Variants in SEMA5A observed in about 807,000 individuals in gnomAD.
SEMA5A encodes semaphorin 5A.
In SEMA5A, 55 loss-of-function variants were observed where a neutral mutation model predicts 135.5. The ratio of observed to expected loss-of-function variants is 0.41; its 90% confidence interval spans 0.33 to 0.51. SEMA5A has a LOEUF of 0.51. Among genes scored for constraint, SEMA5A ranks in the 20% least tolerant of loss-of-function variants. SEMA5A has a pLI of 0.37. For missense variants in SEMA5A, 1,290 were observed against 1,419.9 expected (o/e 0.91, Z 1.47); for synonymous variants, 580 against 546.5 (o/e 1.06, Z -0.85).
chr5:9,186,350 C>A (rs1483899061), intron 11 of SEMA5A, among the ~76,000 whole-genome samples: 1 of 152,180 alleles, frequency 6.6e-6, no homozygotes, highest in Non-Finnish European at 1.5e-5. Flanking sequence ...GTCTAGCTCA[C>A]ATGGATCTGT....
intron 1 of SEMA5A, among the ~76,000 whole-genome samples, chr5:9,521,224 A>G (rs558978071): frequency 3.3e-5 from 5 of 152,176 alleles, no homozygotes; most frequent in Admixed American, 3.3e-4. Context: ...AGCCTGGCCA[A>G]CATGGCGAAA....
At chr5:9,334,372 T>C (rs1185818182) in intron 4 of SEMA5A, among the ~76,000 whole-genome samples, 1 of 152,232 alleles carries the variant, frequency 6.6e-6, no homozygotes, top group Non-Finnish European at 1.5e-5. Context: ...GTTTTATATC[T>C]TACTCATATG....
rs953932895 is a variant in SEMA5A at position 9,323,328 on chromosome 5, G to T, written c.225-4911C>A. Among the ~76,000 whole-genome samples, 4 of 152,050 alleles carry T rather than the reference G, an allele frequency of 2.6e-5. No individual in the cohort carries two copies. In the East Asian group the frequency reaches 7.7e-4, roughly 29 times the overall value. On this transcript the variant is annotated intron_variant, in intron 4 of 22. Coordinates refer to ENST00000382496, the MANE Select transcript of SEMA5A (RefSeq NM_003966.3). ...AAATTTAAATCATTTCCTGAGAAGTGTTTTTCATGTGTTATTTTTCACAAC... is the reference window on the plus strand; with the variant it reads ...AAATTTAAATCATTTCCTGAGAAGTTTTTTTCATGTGTTATTTTTCACAAC...
intron 1 of SEMA5A, among the ~76,000 whole-genome samples, chr5:9,477,343 G>A (rs1759706172): frequency 6.6e-6 from 1 of 152,198 alleles, no homozygotes; most frequent in African/African-American, 2.4e-5. Flanking sequence ...TGCTATAAAT[G>A]TACCTAAAAA....
chr5:9,337,603 A>T, intron 4 of SEMA5A, 110 bp downstream of exon 4: 1 of 663,550 alleles, frequency 1.5e-6, no homozygotes, highest in Non-Finnish European at 2.6e-6. Context: ...CTTATAAGAA[A>T]TAATATTATT....
intron 4 of SEMA5A, among the ~76,000 whole-genome samples, chr5:9,335,133 C>T (rs1267357752): frequency 6.6e-6 from 1 of 152,054 alleles, no homozygotes; most frequent in African/African-American, 2.4e-5. Context: ...GACAGGGATG[C>T]TGGGGTGGAA....
chr5:9,477,937 C>T (rs1040899667), intron 1 of SEMA5A, among the ~76,000 whole-genome samples: 2 of 152,154 alleles, frequency 1.3e-5, no homozygotes, highest in Non-Finnish European at 2.9e-5. Flanking sequence ...CATGGCAGGC[C>T]CTCCTATCAC....
chr5:9,346,632 C>T (rs189576826), intron 3 of SEMA5A, among the ~76,000 whole-genome samples: 42 of 152,300 alleles, frequency 2.8e-4, no homozygotes, highest in East Asian at 2.3e-3. Flanking sequence ...ATGCTCCCTC[C>T]AGCATGGGGT....
chr5:9,165,208 T>C (rs1368101418), intron 11 of SEMA5A, among the ~76,000 whole-genome samples: 1 of 152,096 alleles, frequency 6.6e-6, no homozygotes, highest in African/African-American at 2.4e-5. Context: ...AACATATATT[T>C]TCTCTAAGGT....
chr5:9,371,620 A>T (rs1755139883), intron 3 of SEMA5A, among the ~76,000 whole-genome samples: 2 of 152,364 alleles, frequency 1.3e-5, no homozygotes, highest in African/African-American at 4.8e-5. Context: ...CAATGTGGTT[A>T]TACCTTAGCT....
intron 8 of SEMA5A, among the ~76,000 whole-genome samples, chr5:9,221,500 C>T (rs1333753521): frequency 6.6e-6 from 1 of 151,764 alleles, no homozygotes; most frequent in East Asian, 2.0e-4. Flanking sequence ...GACGGGGTTT[C>T]ACAGTGTTAG....
chr5:9,043,415 G>T (rs2150024929), intron 22 of SEMA5A: 1 of 167,786 alleles, frequency 6.0e-6, no homozygotes, highest in South Asian at 1.6e-4. Context: ...GCAGCTTTCA[G>T]ATGACCATGG....
intron 8 of SEMA5A, among the ~76,000 whole-genome samples, chr5:9,220,121 G>A (rs75376744): frequency 0.01 from 1,577 of 152,284 alleles, 25 homozygotes; most frequent in African/African-American, 0.036. Context: ...ACCAAATATC[G>A]TGTGTTCTTA....
intron 3 of SEMA5A, among the ~76,000 whole-genome samples, chr5:9,352,100 G>GGGGC (rs902549976): frequency 1.3e-5 from 2 of 148,160 alleles, no homozygotes; most frequent in Admixed American, 1.4e-4. Flanking sequence ...AGGTCGGGGG[G>GGGGC]GTTACTTAAG....
At chr5:9,331,896 AAAT>A (rs1753150832) in intron 4 of SEMA5A, among the ~76,000 whole-genome samples, 1 of 152,262 alleles carries the variant, frequency 6.6e-6, no homozygotes, top group South Asian at 2.1e-4. Flanking sequence ...AAATGGTTCA[AAAT>A]AATAAACGAA....
chr5:9,139,640 G>A (rs912573995), intron 12 of SEMA5A, among the ~76,000 whole-genome samples: 5 of 152,060 alleles, frequency 3.3e-5, no homozygotes, highest in Admixed American at 3.3e-4. Context: ...CACTGGAAGG[G>A]GTGATTTTTG....
chr5:9,222,058 C>A (rs1012582333), intron 8 of SEMA5A, among the ~76,000 whole-genome samples: 5 of 152,182 alleles, frequency 3.3e-5, no homozygotes, highest in Non-Finnish European at 5.9e-5. Context: ...GGTGGCCCCC[C>A]CTGGGGCTGG....
rs186213033 is a variant in SEMA5A at position 9,448,405 on chromosome 5, G to A, written c.-174-10553C>T. ...ATTATTTTACACTGACAGTGCTTAG[G>A]GCTATGCCTGACACATGGTAAACCC... On this transcript the variant is annotated intron_variant, in intron 1 of 22. Transcript: ENST00000382496. Among the ~76,000 whole-genome samples the A allele has an allele frequency of 1.5e-3, 225 of 152,294 alleles. 3 individuals carry two copies. The Middle Eastern group carries it at 0.061, about 41-fold the overall frequency.
rs149882879 is a variant in SEMA5A, at chr5:9,291,969, A to G, written c.270+26403T>C. ...CTCTCCCTGCCCATCCCAAGTCTCC[A>G]TACAGGAAGCCCCATTCCCCTACCT... On this transcript the variant is annotated intron_variant, in intron 5 of 22. Transcript: ENST00000382496. 1.7e-3 allele frequency among the ~76,000 whole-genome samples: 263 copies of G among 152,228 alleles called. 4 individuals are homozygous for G. Among genetic ancestry groups the G allele is most frequent in the African/African-American group, 5.8e-3 (239 of 41,544 alleles).
Sources: allele counts gnomAD v4.1 joint callset (sites outside exome capture counted in the v4.1 genomes callset), GRCh38; gene constraint gnomAD v4.1.1; transcripts MANE v1.5; gene names NCBI Gene and HGNC (gene_info 2026-07-23, HGNC 2026-07-21).